TMEM108: variants seen among roughly 807,000 people sequenced by gnomAD.
TMEM108 encodes the protein cancer/testis antigen 124.
A neutral mutation model predicts 35.1 loss-of-function variants in TMEM108; 12 were observed. The ratio of observed to expected loss-of-function variants is 0.34; its 90% CI spans 0.22 to 0.55. The LOEUF is 0.55. Ranked by LOEUF, TMEM108 falls within the 20% of genes least tolerant of loss-of-function variation. TMEM108 has a pLI of 0.89. For synonymous variants in TMEM108, 287 were observed against 308.6 expected, an observed-to-expected ratio of 0.93 and a Z score of 0.73; for missense variants, 680 against 753.3, an observed-to-expected ratio of 0.90 and a Z score of 1.14.
chr3:133,055,480 A>G (rs12489520), intron 2 of TMEM108, among the ~76,000 whole-genome samples: 5,160 of 152,288 alleles, frequency 0.034, 165 homozygotes, highest in Admixed American at 0.073. Flanking sequence ...GGGATCCTGA[A>G]TCCTTTATTC....
rs1219197461 is a variant in TMEM108 at position 133,262,487 on chromosome 3, G to A, written c.40+33136G>A. Among the ~76,000 whole-genome samples, 3 of 152,172 alleles carry A rather than the reference G, an allele frequency of 2.0e-5. 1 individual carries two copies. Among genetic ancestry groups the A allele is most frequent in the South Asian group, 4.1e-4 (2 of 4,830 alleles). ...TTTATAGAGCATCCTGGTACCAGAC[G>A]TTACCATAGTGATGTAGAAAGATTG... On this transcript the variant is annotated intron_variant, in intron 3 of 5. Coordinates refer to ENST00000321871, the MANE Select transcript of TMEM108 (RefSeq NM_023943.4).
At chr3:133,176,606 T>A (rs1945233569) in intron 2 of TMEM108, among the ~76,000 whole-genome samples, 1 of 151,972 alleles carries the variant, frequency 6.6e-6, no homozygotes, top group Non-Finnish European at 1.5e-5. Flanking sequence ...ATAAAGATGT[T>A]CTTTGAAACC....
chr3:133,374,920 T>C (rs968901972), intron 3 of TMEM108, among the ~76,000 whole-genome samples: 1 of 152,132 alleles, frequency 6.6e-6, no homozygotes, highest in South Asian at 2.1e-4. Flanking sequence ...GAACAATAAA[T>C]GAAAGTAGTC....
intron 3 of TMEM108, among the ~76,000 whole-genome samples, chr3:133,296,445 T>C (rs538345755): frequency 6.6e-6 from 1 of 152,240 alleles, no homozygotes; most frequent in African/African-American, 2.4e-5. Context: ...CACATGTTTT[T>C]CCCTGTGTTC....
chr3:133,222,193 T>G (rs12637903), intron 2 of TMEM108, among the ~76,000 whole-genome samples: 50,385 of 151,726 alleles, frequency 0.33, 8,890 homozygotes, highest in East Asian at 0.47. Flanking sequence ...GTTTCAGGGG[T>G]TTTTTTGGCA....
intron 2 of TMEM108, among the ~76,000 whole-genome samples, chr3:133,166,399 A>G (rs1945037790): frequency 6.6e-6 from 1 of 152,222 alleles, no homozygotes; most frequent in Admixed American, 6.5e-5. Flanking sequence ...TTTTGTGTCC[A>G]AAATTGGTGG....
chr3:133,192,000 T>G (rs1319978142), intron 2 of TMEM108, among the ~76,000 whole-genome samples: 2 of 151,926 alleles, frequency 1.3e-5, no homozygotes, highest in Non-Finnish European at 2.9e-5. Context: ...TCCAATCAGA[T>G]TAGTTTCCCA....
chr3:133,103,490 T>G (rs954721020), intron 2 of TMEM108, among the ~76,000 whole-genome samples: 14 of 152,074 alleles, frequency 9.2e-5, no homozygotes, highest in African/African-American at 3.1e-4. Context: ...AGTACTAGGC[T>G]TAATACCTGG....
At chr3:133,172,765 C>T (rs1945148959) in intron 2 of TMEM108, among the ~76,000 whole-genome samples, 1 of 152,134 alleles carries the variant, frequency 6.6e-6, no homozygotes, top group Non-Finnish European at 1.5e-5. Flanking sequence ...TTGGCTGTGT[C>T]ACCACCCAAA....
intron 2 of TMEM108, among the ~76,000 whole-genome samples, chr3:133,048,329 T>A: frequency 6.6e-6 from 1 of 152,236 alleles, no homozygotes; most frequent in East Asian, 1.9e-4. Flanking sequence ...GATCAGTGTT[T>A]ATTCTAGAAA....
intron 3 of TMEM108, among the ~76,000 whole-genome samples, chr3:133,329,910 T>G (rs2071375050): frequency 6.6e-6 from 1 of 152,110 alleles, no homozygotes; most frequent in Non-Finnish European, 1.5e-5. Flanking sequence ...TAGAGAGGAT[T>G]AAGTCTAAAA....
intron 2 of TMEM108, among the ~76,000 whole-genome samples, chr3:133,134,878 A>G (rs1338237153): frequency 6.7e-6 from 1 of 149,890 alleles, no homozygotes; most frequent in Non-Finnish European, 1.5e-5. Flanking sequence ...TTTCTTCCTC[A>G]CTCCAAGTCC....
At chr3:133,363,090 T>C (rs2072402512) in intron 3 of TMEM108, among the ~76,000 whole-genome samples, 1 of 152,174 alleles carries the variant, frequency 6.6e-6, no homozygotes, top group Non-Finnish European at 1.5e-5. Flanking sequence ...ACCATTTCTG[T>C]GTGGCCTTCC....
At chr3:133,345,017 G>A (rs1044776307) in intron 3 of TMEM108, among the ~76,000 whole-genome samples, 4 of 151,866 alleles carry the variant, frequency 2.6e-5, no homozygotes, top group Non-Finnish European at 5.9e-5. Flanking sequence ...AAGCATTTCA[G>A]ATGATATATA....
Position 133,074,632 on chromosome 3 carries a change from G to T in TMEM108, c.-47+28612G>T, listed in dbSNP as rs371463212. The stretch of plus-strand genomic sequence containing the variant: ...AGCCTCCTGAGTAGCTGGGATTACA[G>T]CATGTGCTACCACACCCAGCTAATT... On this transcript the variant is annotated intron_variant, in intron 2 of 5. Transcript: ENST00000321871. 8.5e-5 allele frequency among the ~76,000 whole-genome samples: 13 copies of T among 152,258 alleles called. No individual in the cohort carries two copies. The East Asian group carries it at 2.5e-3, about 29-fold the overall frequency.
At chr3:133,263,959 T>A (rs1414901268) in intron 3 of TMEM108, among the ~76,000 whole-genome samples, 1 of 152,178 alleles carries the variant, frequency 6.6e-6, no homozygotes, top group Non-Finnish European at 1.5e-5. Context: ...AGAGGTGAAT[T>A]ATGGAGTATC....
chr3:133,167,331 GC>G (rs1945055485), intron 2 of TMEM108, among the ~76,000 whole-genome samples: 1 of 152,260 alleles, frequency 6.6e-6, no homozygotes, highest in Admixed American at 6.5e-5. Flanking sequence ...AGCCAAGCTG[GC>G]TTTGCCTAGT....
In TMEM108 at chr3:133,320,739, CAG is replaced by C. The variant is rs540490675; in HGVS notation, c.41-59012_41-59011del. 2.6e-5 allele frequency among the ~76,000 whole-genome samples: 4 copies of C among 152,108 alleles called. No individual in the cohort carries two copies. In the South Asian group the frequency reaches 8.3e-4, roughly 32 times the overall value. Reference sequence around the variant, plus strand: ...ATCATCAGGTTATCCAAAGTCAAGACAGGGAAAAAATCTTAAGAGCTGTGAGG... The same window carrying C: ...ATCATCAGGTTATCCAAAGTCAAGACGGAAAAAATCTTAAGAGCTGTGAGG... On this transcript the variant is annotated intron_variant, in intron 3 of 5. Coordinates refer to ENST00000321871, the MANE Select transcript of TMEM108 (RefSeq NM_023943.4).
At chr3:133,214,036 A>G (rs1014518332) in intron 2 of TMEM108, among the ~76,000 whole-genome samples, 2 of 152,198 alleles carry the variant, frequency 1.3e-5, no homozygotes, top group South Asian at 2.1e-4. Flanking sequence ...CACAATTAAC[A>G]GAGACAACTC....
Sources: allele counts gnomAD v4.1 joint callset (sites outside exome capture counted in the v4.1 genomes callset), GRCh38; gene constraint gnomAD v4.1.1; transcripts MANE v1.5; gene names NCBI Gene and HGNC (gene_info 2026-07-23, HGNC 2026-07-21).